DDX60L: variants seen among roughly 807,000 people sequenced by gnomAD.
DDX60L encodes DExD/H-box 60 like.
In DDX60L, 191 loss-of-function variants were observed where a neutral mutation model predicts 211.6. The observed-to-expected ratio is 0.90, with a 90% CI of 0.80 to 1.02. The LOEUF is 1.02. Among genes scored for constraint, DDX60L ranks in the 50% least tolerant of loss-of-function variants. DDX60L has a pLI of 0.00. For missense variants in DDX60L, 2,007 were observed against 1,984.1 expected (o/e 1.01, Z -0.22); for synonymous variants, 706 against 694.1 (o/e 1.02, Z -0.27).
intron 14 of DDX60L, among the ~76,000 whole-genome samples, chr4:168,426,375 C>T (rs926153376): frequency 4.6e-5 from 7 of 152,074 alleles, no homozygotes; most frequent in Admixed American, 2.6e-4. Flanking sequence ...TGCTCCATGG[C>T]GGAGATAAAG....
chr4:168,457,279 C>G (rs1335146166), intron 6 of DDX60L, among the ~76,000 whole-genome samples: 13 of 151,216 alleles, frequency 8.6e-5, no homozygotes, highest in African/African-American at 2.7e-4. Flanking sequence ...CACACACACA[C>G]ACACACACAC....
At chr4:168,376,499 G>A (rs574893606) in intron 33 of DDX60L, among the ~76,000 whole-genome samples, 32 of 152,228 alleles carry the variant, frequency 2.1e-4, no homozygotes, top group South Asian at 4.1e-4. Context: ...AAAGGCAACC[G>A]TGTGGACATA....
At chr4:168,392,407 CA>C (rs1444945897) in intron 28 of DDX60L, among the ~76,000 whole-genome samples, 2 of 151,990 alleles carry the variant, frequency 1.3e-5, no homozygotes, top group African/African-American at 2.4e-5. Flanking sequence ...AAAGAGTGAG[CA>C]AAAAGACTTT....
At chr4:168,479,581 A>G (rs1299047277) in intron 1 of DDX60L, among the ~76,000 whole-genome samples, 1 of 152,156 alleles carries the variant, frequency 6.6e-6, no homozygotes, top group Non-Finnish European at 1.5e-5. Flanking sequence ...TTTATTATAA[A>G]TTTATCAATG....
intron 4 of DDX60L, among the ~76,000 whole-genome samples, chr4:168,465,154 A>ATT (rs34617112): frequency 2.9e-4 from 44 of 150,228 alleles, no homozygotes; most frequent in East Asian, 1.4e-3. Context: ...CCTTACTAGC[A>ATT]TTTTTTTTTT....
intron 28 of DDX60L, among the ~76,000 whole-genome samples, chr4:168,392,557 G>A (rs1387282101): frequency 6.6e-6 from 1 of 152,038 alleles, no homozygotes; most frequent in East Asian, 1.9e-4. Context: ...AAAAAAAAGT[G>A]TTCTGGCCAA....
At chr4:168,461,486 T>C (rs375046705) in intron 5 of DDX60L, among the ~76,000 whole-genome samples, 24 of 152,064 alleles carry the variant, frequency 1.6e-4, no homozygotes, top group African/African-American at 5.6e-4. Flanking sequence ...CTTATAGGAG[T>C]ACCCTGAGAA....
chr4:168,435,043 G>C (rs1435232823), intron 10 of DDX60L, among the ~76,000 whole-genome samples: 1 of 152,204 alleles, frequency 6.6e-6, no homozygotes, highest in Non-Finnish European at 1.5e-5. Context: ...ACTGGATACT[G>C]ATTCTGAACT....
At chr4:168,421,006 A>G (rs1376883067) in intron 17 of DDX60L, among the ~76,000 whole-genome samples, 1 of 152,164 alleles carries the variant, frequency 6.6e-6, no homozygotes, top group Non-Finnish European at 1.5e-5. Context: ...CATTTCAGGT[A>G]TTTTACACAA....
chr4:168,420,642 G>GAGATAGATAGAT (rs3068291), intron 17 of DDX60L, among the ~76,000 whole-genome samples: 219 of 136,542 alleles, frequency 1.6e-3, no homozygotes, highest in East Asian at 5.8e-3. Flanking sequence ...ACACACACAT[G>GAGATAGATAGAT]AGATAGATAG....
At chr4:168,472,086 T>C in intron 3 of DDX60L, 150 bp from the exon 4 acceptor site, 1 of 632,090 alleles carries the variant, frequency 1.6e-6, no homozygotes, top group Non-Finnish European at 2.7e-6. Context: ...TAAGCAACTG[T>C]CCTTTATAAG....
chr4:168,449,332 G>A (rs559523985), intron 8 of DDX60L, among the ~76,000 whole-genome samples: 5 of 150,542 alleles, frequency 3.3e-5, no homozygotes, highest in Admixed American at 2.0e-4. Context: ...GGATGAAATT[G>A]GAAACCATCA....
At chr4:168,415,631 G>A in intron 21 of DDX60L, 26 bp downstream of exon 21, 1 of 1,490,576 alleles carries the variant, frequency 6.7e-7, no homozygotes, top group Non-Finnish European at 9.0e-7. Flanking sequence ...AAAATATATA[G>A]TAAAACATAA....
rs1216778334 is a variant in DDX60L, at chr4:168,442,857, C to T, written c.1139-1365G>A. ...AAAACTAACAAACAGAAAGGACATC[C>T]ACACCAAAAACCCATCTGTACATCA... On this transcript the variant is annotated intron_variant, in intron 9 of 37. Coordinates refer to ENST00000682922, the MANE Select transcript of DDX60L (RefSeq NM_001012967.3). Among the ~76,000 whole-genome samples, 7 of 151,244 alleles carry T rather than the reference C, an allele frequency of 4.6e-5. No individual in the cohort carries two copies. In the East Asian group the frequency reaches 7.8e-4, roughly 17 times the overall value.
At chr4:168,392,761 A>G (rs1426137268) in intron 28 of DDX60L, among the ~76,000 whole-genome samples, 1 of 149,546 alleles carries the variant, frequency 6.7e-6, no homozygotes, top group East Asian at 2.0e-4. Context: ...AATTGCTTGA[A>G]CCCTGGAGAC....
rs763502309 is a variant in DDX60L, at chr4:168,394,324, G to A, written c.3810+141C>T. On this transcript the variant is annotated intron_variant, in intron 28 of 37. Coordinates refer to ENST00000682922, the MANE Select transcript of DDX60L (RefSeq NM_001012967.3). ...ACTCCTCTAATAAATGGGATAGATGGAGCAGTCCAGTCCAGTGAGTTGTAA... is the reference window on the plus strand; with the variant it reads ...ACTCCTCTAATAAATGGGATAGATGAAGCAGTCCAGTCCAGTGAGTTGTAA... 1.3e-4 allele frequency: 74 copies of A among 560,068 alleles called. No homozygotes were observed. The Middle Eastern group carries it at 1.9e-3, about 15-fold the overall frequency. The allele number at this position is 560,068 out of a possible 1,614,324, so 34.7% of individuals were successfully genotyped here.
rs749261716 is a variant in DDX60L at position 168,358,107 on chromosome 4, A to T, written c.*40T>A. ...TAATTATATCTCTCCTTGCAAAGGGATAAATACCACATAATCAGACTTGAA... is the reference window on the plus strand; with the variant it reads ...TAATTATATCTCTCCTTGCAAAGGGTTAAATACCACATAATCAGACTTGAA... On this transcript the variant is annotated 3_prime_UTR_variant, in exon 38 of 38. Coordinates refer to ENST00000682922, the MANE Select transcript of DDX60L (RefSeq NM_001012967.3). 6.4e-7 allele frequency: 1 copy of T among 1,573,122 alleles called. No homozygotes were observed. The highest frequency in any genetic ancestry group is 8.7e-7 in the Non-Finnish European group (1 of 1,150,106).
chr4:168,379,941 C>T (rs898980767), intron 30 of DDX60L, 111 bp from the exon 31 acceptor site: 22 of 639,034 alleles, frequency 3.4e-5, no homozygotes, highest in East Asian at 2.1e-4. Flanking sequence ...CCAGATCTTA[C>T]GTGAAAGTAA....
intron 22 of DDX60L, among the ~76,000 whole-genome samples, chr4:168,414,112 T>C (rs1749127700): frequency 6.6e-6 from 1 of 152,152 alleles, no homozygotes; most frequent in Non-Finnish European, 1.5e-5. Context: ...TCTTTTATCA[T>C]GGGATAGTAT....
Sources: gnomAD v4.1 joint callset for allele counts (sites outside exome capture counted in the v4.1 genomes callset) on GRCh38, gnomAD v4.1.1 for gene constraint, MANE v1.5 for transcripts, NCBI Gene and HGNC (gene_info 2026-07-23, HGNC 2026-07-21) for gene names.